CSMD3: variants seen among roughly 807,000 people sequenced by gnomAD.
CSMD3 encodes CUB and sushi domain-containing protein 3.
A neutral mutation model predicts 435.2 loss-of-function variants in CSMD3; 177 were observed. The ratio of observed to expected loss-of-function variants is 0.41; its 90% CI spans 0.36 to 0.46. The LOEUF is 0.46. CSMD3 is among the 20% of genes least tolerant of loss of function. The probability of loss-of-function intolerance (pLI) is 0.34; values close to 1 mark genes in which losing one functional copy is unlikely to be tolerated. For synonymous variants in CSMD3, 1,656 were observed against 1,520.5 expected (o/e 1.09, Z -2.07); for missense variants, 4,265 against 4,504.6 (o/e 0.95, Z 1.52).
At position 112,691,932 on chromosome 8, in the gene CSMD3, C is replaced by A. The variant is rs112747086; in HGVS notation, c.1973-1882G>T. 2.6e-4 allele frequency among the ~76,000 whole-genome samples: 39 copies of A among 151,966 alleles called. 1 individual carries two copies. The highest frequency in any genetic ancestry group is 8.4e-4 in the African/African-American group (35 of 41,458). On this transcript the variant is annotated intron_variant, in intron 13 of 70. Transcript: ENST00000297405. ...TCTCCTGCCTCAGCCTCCTGGGTAG[C>A]TCGGACTATAGGTGCTCGTGCCACC... is the stretch of plus-strand genomic sequence containing the variant.
chr8:112,393,705 C>A (rs12156373), intron 35 of CSMD3, among the ~76,000 whole-genome samples: 1 of 151,954 alleles, frequency 6.6e-6, no homozygotes, highest in Admixed American at 6.5e-5. Context: ...GGTGAAATAA[C>A]CATGTCAAAG....
chr8:112,585,091 T>C (rs926593761), intron 23 of CSMD3, among the ~76,000 whole-genome samples: 7 of 151,616 alleles, frequency 4.6e-5, no homozygotes, highest in Non-Finnish European at 7.4e-5. Context: ...CCTCTTATTC[T>C]GGCAGAGAGA....
chr8:113,393,231 A>G (rs2094469169), intron 1 of CSMD3, among the ~76,000 whole-genome samples: 1 of 151,978 alleles, frequency 6.6e-6, no homozygotes, highest in Admixed American at 6.6e-5. Context: ...TACTGTGGAT[A>G]ATTTGAAATT....
intron 3 of CSMD3, 45 bp from the exon 4 acceptor site, chr8:113,173,961 G>A (rs2131892783): frequency 7.3e-7 from 1 of 1,375,446 alleles, no homozygotes; most frequent in Non-Finnish European, 1.0e-6. Flanking sequence ...ATTTCAATAA[G>A]CAGTTTATTG....
At chr8:112,691,932 C>T (rs112747086) in intron 13 of CSMD3, among the ~76,000 whole-genome samples, 1 of 151,966 alleles carries the variant, frequency 6.6e-6, no homozygotes, top group South Asian at 2.1e-4. Flanking sequence ...TCCTGGGTAG[C>T]TCGGACTATA....
chr8:112,734,166 G>T (rs1186455050), intron 13 of CSMD3, among the ~76,000 whole-genome samples: 6 of 151,680 alleles, frequency 4.0e-5, no homozygotes, highest in African/African-American at 1.4e-4. Context: ...AGGATTAAAT[G>T]AATTAACATT....
intron 2 of CSMD3, among the ~76,000 whole-genome samples, chr8:113,306,180 A>C (rs1052147697): frequency 6.6e-6 from 1 of 152,098 alleles, no homozygotes; most frequent in African/African-American, 2.4e-5. Flanking sequence ...TTAATATCAC[A>C]TATGTCATTT....
At chr8:112,953,554 T>G (rs1032768013) in intron 8 of CSMD3, among the ~76,000 whole-genome samples, 1 of 151,396 alleles carries the variant, frequency 6.6e-6, no homozygotes, top group Non-Finnish European at 1.5e-5. Context: ...TAGTGATATC[T>G]CTTCTGGTTT....
At chr8:113,017,057 A>C (rs754039958) in intron 6 of CSMD3, among the ~76,000 whole-genome samples, 17 of 151,964 alleles carry the variant, frequency 1.1e-4, no homozygotes, top group Non-Finnish European at 1.2e-4. Flanking sequence ...TTATAAAATC[A>C]AAGCTTCAAT....
At position 113,436,720 on chromosome 8, in the gene CSMD3, C is replaced by T. The variant is rs2130152587; in HGVS notation, c.135G>A (p.Thr45=). The change falls in exon 1 of 71, where the codon ACG becomes ACA. Residue 45 remains threonine, a synonymous_variant. Transcript: ENST00000297405. The part of the protein sequence containing the change: ...MKKMGIKSGF[T]FWNLVFLLTV... ...TCAATAAAAAGACGAGGTTCCAAAACGTAAATCCACTTTTAATCCCCATTT... is the reference window on the plus strand; with the variant it reads ...TCAATAAAAAGACGAGGTTCCAAAATGTAAATCCACTTTTAATCCCCATTT... 6.2e-7 allele frequency: 1 copy of T among 1,614,176 alleles called. No individual in the cohort carries two copies. Among genetic ancestry groups the T allele is most frequent in the Non-Finnish European group, 8.5e-7 (1 of 1,180,034 alleles).
intron 1 of CSMD3, among the ~76,000 whole-genome samples, chr8:113,342,864 T>C (rs2094129062): frequency 6.6e-6 from 1 of 151,740 alleles, no homozygotes; most frequent in African/African-American, 2.4e-5. Flanking sequence ...ACTGTTATTA[T>C]ATATTATTCC....
intron 11 of CSMD3, among the ~76,000 whole-genome samples, chr8:112,855,473 G>T (rs377021197): frequency 6.6e-6 from 1 of 152,048 alleles, no homozygotes; most frequent in Admixed American, 6.6e-5. Flanking sequence ...AGACAAATCA[G>T]AAACTCTTTC....
intron 3 of CSMD3, among the ~76,000 whole-genome samples, chr8:113,271,929 G>A (rs901516680): frequency 6.6e-6 from 1 of 152,130 alleles, no homozygotes; most frequent in Admixed American, 6.6e-5. Context: ...TCATCAGCTT[G>A]ACCTGGATGT....
intron 59 of CSMD3, among the ~76,000 whole-genome samples, chr8:112,266,038 A>G (rs934653875): frequency 4.6e-5 from 7 of 152,012 alleles, no homozygotes; most frequent in African/African-American, 4.8e-5. Context: ...CAGAAAGACA[A>G]CCCCCAAGAA....
Position 112,808,543 on chromosome 8 carries a change from C to T in CSMD3, c.1860-8269G>A, listed in dbSNP as rs879647115. Among the ~76,000 whole-genome samples the T allele has an allele frequency of 5.9e-5, 9 of 152,070 alleles. 1 individual carries two copies. Among genetic ancestry groups the T allele is most frequent in the Admixed American group, 5.2e-4 (8 of 15,240 alleles). ...AAGATACTGTGGCAAGCTATATCCACAGTTTCCAGGAATTTGCCCAGTCGA... is the reference window on the plus strand; with the variant it reads ...AAGATACTGTGGCAAGCTATATCCATAGTTTCCAGGAATTTGCCCAGTCGA... On this transcript the variant is annotated intron_variant, in intron 12 of 70. Coordinates refer to ENST00000297405, the MANE Select transcript of CSMD3 (RefSeq NM_198123.2).
At chr8:113,044,427 C>T (rs2087748203) in intron 5 of CSMD3, among the ~76,000 whole-genome samples, 1 of 148,868 alleles carries the variant, frequency 6.7e-6, no homozygotes, top group Non-Finnish European at 1.5e-5. Context: ...GATTGTTAAA[C>T]ATTTTTTTCT....
chr8:112,279,753 C>A (rs1375347702), intron 59 of CSMD3, among the ~76,000 whole-genome samples: 1 of 152,066 alleles, frequency 6.6e-6, no homozygotes, highest in Non-Finnish European at 1.5e-5. Context: ...CTGATTAAGA[C>A]CTCCATATCA....
At chr8:112,692,957 CT>C (rs2076170239) in intron 13 of CSMD3, among the ~76,000 whole-genome samples, 1 of 149,916 alleles carries the variant, frequency 6.7e-6, no homozygotes, top group South Asian at 2.1e-4. Context: ...ATCTATCTAT[CT>C]ATCTATCTAT....
chr8:113,151,580 C>T (rs549407114), intron 4 of CSMD3, among the ~76,000 whole-genome samples: 3 of 151,816 alleles, frequency 2.0e-5, no homozygotes, highest in African/African-American at 7.2e-5. Context: ...TATAAAATAG[C>T]AAGAGACAAC....
Sources: gnomAD v4.1 joint callset for allele counts (sites outside exome capture counted in the v4.1 genomes callset) on GRCh38, gnomAD v4.1.1 for gene constraint, MANE v1.5 for transcripts, NCBI Gene and HGNC (gene_info 2026-07-23, HGNC 2026-07-21) for gene names.